The following BMAL2 variants were observed in gnomAD, a reference collection of about 807,000 sequenced individuals.
The protein encoded by BMAL2 is basic helix-loop-helix ARNT like 2.
chr12:27,343,656 A>G, the BMAL2 span, among the ~76,000 whole-genome samples: 1 of 152,172 alleles, frequency 6.6e-6, no homozygotes, highest in Admixed American at 6.5e-5. Flanking sequence ...TAAACCCTGC[A>G]TTCTTCTTTT....
the BMAL2 span, chr12:27,390,077 G>T: frequency 2.2e-5 from 35 of 1,609,638 alleles, no homozygotes; most frequent in South Asian, 2.4e-4. Flanking sequence ...CTATTCTCTC[G>T]CCCCCTTCTG....
chr12:27,420,554 A>C, the BMAL2 span: 1 of 1,536,038 alleles, frequency 6.5e-7, no homozygotes, highest in Non-Finnish European at 8.7e-7. Context: ...TAACTCCAAA[A>C]ATGAGAAACA....
the BMAL2 span, chr12:27,403,400 C>T: frequency 3.8e-6 from 5 of 1,310,952 alleles, no homozygotes; most frequent in Middle Eastern, 1.8e-4. Flanking sequence ...AGATAAAGTC[C>T]TCAACTGAAT....
At chr12:27,364,392 T>C in the BMAL2 span, among the ~76,000 whole-genome samples, 2 of 152,290 alleles carry the variant, frequency 1.3e-5, no homozygotes, top group Admixed American at 6.5e-5. Context: ...ATCTTTTCCA[T>C]AGAGAAAACC....
chr12:27,420,259 C>G, the BMAL2 span: 1 of 1,078,962 alleles, frequency 9.3e-7, no homozygotes, highest in Non-Finnish European at 1.3e-6. Context: ...TATACTTTGC[C>G]TTCAAAAATA....
At chr12:27,356,160 T>G in the BMAL2 span, among the ~76,000 whole-genome samples, 1 of 152,198 alleles carries the variant, frequency 6.6e-6, no homozygotes, top group Non-Finnish European at 1.5e-5. Context: ...CAGTCTTTAT[T>G]ACAGAAATAA....
the BMAL2 span, among the ~76,000 whole-genome samples, chr12:27,336,947 CAAAA>C: frequency 3.1e-4 from 23 of 73,804 alleles, no homozygotes; most frequent in East Asian, 1.8e-3. Flanking sequence ...GAGACTGTCT[CAAAA>C]AAAAAAAAAA....
the BMAL2 span, among the ~76,000 whole-genome samples, chr12:27,379,839 C>T: frequency 6.6e-6 from 1 of 151,584 alleles, no homozygotes; most frequent in Non-Finnish European, 1.5e-5. Flanking sequence ...TACTTGAGCA[C>T]ATTTATAGAC....
chr12:27,347,760 C>A, the BMAL2 span, among the ~76,000 whole-genome samples: 6 of 152,166 alleles, frequency 3.9e-5, no homozygotes, highest in African/African-American at 1.4e-4. Flanking sequence ...GTGCCATGCC[C>A]TTAGGATCAG....
the BMAL2 span, chr12:27,369,991 G>T: frequency 1.6e-6 from 1 of 640,578 alleles, no homozygotes. Flanking sequence ...TCCAGATGTG[G>T]TATTTTCTCC....
chr12:27,358,918 A>G, the BMAL2 span, among the ~76,000 whole-genome samples: 2 of 149,018 alleles, frequency 1.3e-5, no homozygotes, highest in African/African-American at 5.2e-5. Flanking sequence ...TACTATCTAT[A>G]CATGGCATTG....
At chr12:27,413,066 G>C in the BMAL2 span, among the ~76,000 whole-genome samples, 1 of 151,516 alleles carries the variant, frequency 6.6e-6, no homozygotes, top group Non-Finnish European at 1.5e-5. Flanking sequence ...ATGTAAGGTA[G>C]ATAAGGACTT....
At chr12:27,379,765 A>T in the BMAL2 span, among the ~76,000 whole-genome samples, 4 of 152,120 alleles carry the variant, frequency 2.6e-5, no homozygotes, top group South Asian at 8.3e-4. Context: ...TGAGGGGGGA[A>T]GACGGTAGCA....
At chr12:27,340,988 C>T in the BMAL2 span, among the ~76,000 whole-genome samples, 6 of 152,100 alleles carry the variant, frequency 3.9e-5, no homozygotes, top group African/African-American at 9.7e-5. Flanking sequence ...AATTATGCAT[C>T]GGCTTAAGGT....
the BMAL2 span, chr12:27,400,392 G>T: frequency 1.5e-6 from 1 of 662,676 alleles, no homozygotes; most frequent in Non-Finnish European, 2.3e-6. Context: ...TCTTTTCAAT[G>T]GAATACCATT....
At chr12:27,356,177 T>C in the BMAL2 span, among the ~76,000 whole-genome samples, 1 of 152,332 alleles carries the variant, frequency 6.6e-6, no homozygotes, top group Non-Finnish European at 1.5e-5. Flanking sequence ...ATAAACAGAA[T>C]GACTGGCCTC....
the BMAL2 span, among the ~76,000 whole-genome samples, chr12:27,379,890 G>A: frequency 1.3e-5 from 2 of 152,074 alleles, no homozygotes; most frequent in African/African-American, 2.4e-5. Context: ...TTAAGATGCT[G>A]ACAACTATTT....
the BMAL2 span, among the ~76,000 whole-genome samples, chr12:27,396,265 A>G: frequency 1.3e-5 from 2 of 152,204 alleles, no homozygotes; most frequent in East Asian, 1.9e-4. Context: ...GAAGCACTCA[A>G]TAAATGGTAG....
At chr12:27,401,402 A>T in the BMAL2 span, 5 of 1,575,340 alleles carry the variant, frequency 3.2e-6, no homozygotes, top group South Asian at 5.6e-5. Flanking sequence ...TGGGGAATTT[A>T]AAATGACAGT....
Sources: gnomAD v4.1 joint callset for allele counts (sites outside exome capture counted in the v4.1 genomes callset) on GRCh38, gnomAD v4.1.1 for gene constraint, MANE v1.5 for transcripts, NCBI Gene and HGNC (gene_info 2026-07-23, HGNC 2026-07-21) for gene names.